RAPGEF1: variants seen among roughly 807,000 people sequenced by gnomAD.
The protein encoded by RAPGEF1 is Rap guanine nucleotide exchange factor 1.
In RAPGEF1, 33 loss-of-function variants were observed where a neutral mutation model predicts 143.3. The ratio of observed to expected loss-of-function variants is 0.23; its 90% CI spans 0.17 to 0.31. RAPGEF1 has a LOEUF of 0.31. Ranked by LOEUF, RAPGEF1 falls within the 10% of genes least tolerant of loss-of-function variation. The pLI, the probability that RAPGEF1 is intolerant of heterozygous loss-of-function variation, is 1.00. For missense variants in RAPGEF1, 1,199 were observed against 1,645.4 expected (o/e 0.73, Z 4.69); for synonymous variants, 629 against 676.5 (o/e 0.93, Z 1.09).
Position 131,598,273 on chromosome 9 carries a change from A to G in RAPGEF1, c.2539T>C (p.Ser847Pro). ...GACAGCTCGTCCACTTCCTCCTCCG[A>G]CTGAGCCGACTCCAGAGCATCTGGT... Reference protein sequence around the residue: ...KSPDALESAQSEEEVDELSLI... With the variant: ...KSPDALESAQPEEEVDELSLI... Residue 847 changes from serine to proline, a missense_variant, in exon 16 of 27, where the codon TCG becomes CCG. Transcript: ENST00000683357. The G allele has an allele frequency of 6.2e-7, 1 of 1,613,974 alleles. No homozygotes were observed. The highest frequency in any genetic ancestry group is 8.5e-7 in the Non-Finnish European group (1 of 1,179,890).
intron 12 of RAPGEF1, among the ~76,000 whole-genome samples, chr9:131,615,441 C>G (rs959303201): frequency 2.0e-5 from 3 of 152,210 alleles, no homozygotes; most frequent in Non-Finnish European, 4.4e-5. Context: ...CTAATGGTTA[C>G]TGAGAGATTC....
At chr9:131,653,653 CTG>C (rs1278548177) in intron 1 of RAPGEF1, among the ~76,000 whole-genome samples, 5 of 152,352 alleles carry the variant, frequency 3.3e-5, no homozygotes, top group Non-Finnish European at 7.3e-5. Context: ...ACTGGAGAAA[CTG>C]AACGCCCTAC....
At position 131,675,150 on chromosome 9, in the gene RAPGEF1, T is replaced by C. The variant is rs1832100396; in HGVS notation, c.62-24201A>G. On this transcript the variant is annotated intron_variant, in intron 1 of 26. Transcript: ENST00000683357. The surrounding 1 kb of genome is among the most constrained non-coding windows in gnomAD (Gnocchi z 4.6). ...CTGGCTTAAAAAGAAGCTGGTGAGA[T>C]TTGCTGCACTTGGCTAGATTTGCTG... 6.6e-6 allele frequency among the ~76,000 whole-genome samples: 1 copy of C among 151,820 alleles called. No individual in the cohort carries two copies.
intron 1 of RAPGEF1, among the ~76,000 whole-genome samples, chr9:131,701,161 T>G (rs1834613841): frequency 6.6e-6 from 1 of 152,188 alleles, no homozygotes; most frequent in South Asian, 2.1e-4. Flanking sequence ...TCTAAAATAA[T>G]GGTGACACCC....
chr9:131,657,921 C>T (rs1369635932), intron 1 of RAPGEF1, among the ~76,000 whole-genome samples: 4 of 152,202 alleles, frequency 2.6e-5, no homozygotes, highest in South Asian at 4.1e-4. Flanking sequence ...AAGATTCTCA[C>T]GCTCTTGTTT....
intron 3 of RAPGEF1, among the ~76,000 whole-genome samples, chr9:131,647,307 T>C (rs1969919124): frequency 6.6e-6 from 1 of 152,148 alleles, no homozygotes; most frequent in Non-Finnish European, 1.5e-5. Context: ...GGGCCAACAC[T>C]GTCTGCACAG....
intron 5 of RAPGEF1, among the ~76,000 whole-genome samples, chr9:131,637,593 G>A (rs760143605): frequency 1.3e-5 from 2 of 152,034 alleles, no homozygotes; most frequent in Non-Finnish European, 2.9e-5. Flanking sequence ...CTATAATTTT[G>A]GATTGAGGGG....
In RAPGEF1 at chr9:131,681,345, C is replaced by G. The variant is rs571653198; in HGVS notation, c.62-30396G>C. Among the ~76,000 whole-genome samples the G allele has an allele frequency of 2.0e-5, 3 of 152,296 alleles. No homozygotes were observed. In the South Asian group the frequency reaches 6.2e-4, roughly 32 times the overall value. On this transcript the variant is annotated intron_variant, in intron 1 of 26. Coordinates refer to ENST00000683357, the MANE Select transcript of RAPGEF1 (RefSeq NM_001377935.1). Reference sequence around the variant, plus strand: ...TAATTCTATTCAGGCAGGAATTCAGCAAGCTAGACGAGGGAGTGATTTAGA... The same window carrying G: ...TAATTCTATTCAGGCAGGAATTCAGGAAGCTAGACGAGGGAGTGATTTAGA...
chr9:131,615,390 T>C (rs1400485200), intron 12 of RAPGEF1, among the ~76,000 whole-genome samples: 1 of 152,114 alleles, frequency 6.6e-6, no homozygotes, highest in Non-Finnish European at 1.5e-5. Context: ...AGGTGTTTTT[T>C]CCAATGCCAA....
chr9:131,639,465 TGTGA>T (rs1967173906), intron 4 of RAPGEF1, among the ~76,000 whole-genome samples: 1 of 137,914 alleles, frequency 7.3e-6, no homozygotes, highest in African/African-American at 2.6e-5. Flanking sequence ...TGTGTGTGTG[TGTGA>T]GAGAGAGACC....
chr9:131,724,229 A>T (rs1836474506), intron 1 of RAPGEF1, among the ~76,000 whole-genome samples: 1 of 152,122 alleles, frequency 6.6e-6, no homozygotes, highest in Non-Finnish European at 1.5e-5. Context: ...TTTGATATTC[A>T]ATTTTCAGAC....
intron 1 of RAPGEF1, among the ~76,000 whole-genome samples, chr9:131,671,265 C>G (rs1831335371): frequency 6.6e-6 from 1 of 152,246 alleles, no homozygotes; most frequent in Admixed American, 6.5e-5. Context: ...CCCAAATCCT[C>G]CACAGGAGGC....
chr9:131,630,095 C>T (rs535355573), intron 6 of RAPGEF1, 141 bp downstream of exon 6: 5 of 670,708 alleles, frequency 7.5e-6, no homozygotes, highest in South Asian at 1.7e-5. Flanking sequence ...AATATACACA[C>T]ACTGCTAACC....
intron 4 of RAPGEF1, among the ~76,000 whole-genome samples, chr9:131,643,031 T>C (rs1968500993): frequency 6.6e-6 from 1 of 152,156 alleles, no homozygotes; most frequent in African/African-American, 2.4e-5. Context: ...GGCAGAGATG[T>C]GTCCCGGGCT....
intron 1 of RAPGEF1, among the ~76,000 whole-genome samples, chr9:131,652,721 C>T (rs1971399313): frequency 6.6e-6 from 1 of 152,074 alleles, no homozygotes; most frequent in African/African-American, 2.4e-5. Context: ...TTTTATAACA[C>T]CTCCTGAAGG....
At chr9:131,681,408 A>C (rs1331366028) in intron 1 of RAPGEF1, among the ~76,000 whole-genome samples, 2 of 152,198 alleles carry the variant, frequency 1.3e-5, no homozygotes, top group Non-Finnish European at 2.9e-5. Flanking sequence ...CCCCCAGATC[A>C]ACAGGGAAAT....
intron 1 of RAPGEF1, among the ~76,000 whole-genome samples, chr9:131,679,758 G>C (rs1001622014): frequency 2.0e-5 from 3 of 152,336 alleles, no homozygotes; most frequent in Admixed American, 1.3e-4. Context: ...CAAAAGAACT[G>C]ATTTCCTTGG....
chr9:131,696,561 C>T (rs1834196313), intron 1 of RAPGEF1, among the ~76,000 whole-genome samples: 1 of 152,176 alleles, frequency 6.6e-6, no homozygotes, highest in Non-Finnish European at 1.5e-5. Context: ...TCTTTATGCT[C>T]GGACTTTAGA....
intron 1 of RAPGEF1, among the ~76,000 whole-genome samples, chr9:131,727,296 G>A (rs1836742346): frequency 6.6e-6 from 1 of 152,160 alleles, no homozygotes; most frequent in Admixed American, 6.5e-5. Flanking sequence ...TTATCATATA[G>A]TAGTGGGAAT....
Sources: allele counts gnomAD v4.1 joint callset (sites outside exome capture counted in the v4.1 genomes callset), GRCh38; gene constraint gnomAD v4.1.1; non-coding constraint Gnocchi (gnomAD v3.1); transcripts MANE v1.5; gene names NCBI Gene and HGNC (gene_info 2026-07-23, HGNC 2026-07-21).